The following JAKMIP1 variants were observed in gnomAD, a reference collection of about 807,000 sequenced individuals.
JAKMIP1 encodes the protein janus kinase and microtubule interacting protein 1.
In JAKMIP1, 33 loss-of-function variants were observed where a neutral mutation model predicts 113.0. That is an observed-to-expected ratio of 0.29 (90% CI 0.22 to 0.39). JAKMIP1 has a LOEUF of 0.39. JAKMIP1 is among the 10% of genes least tolerant of loss of function. The pLI is 1.00. For synonymous variants in JAKMIP1, 480 were observed against 459.9 expected (o/e 1.04, Z -0.56); for missense variants, 813 against 1,080.5 (o/e 0.75, Z 3.47).
In JAKMIP1 at chr4:6,157,873, C is replaced by T. The variant is rs1722436540; in HGVS notation, c.-148+42380G>A. On this transcript the variant is annotated intron_variant, in intron 1 of 20. Coordinates refer to ENST00000409021, the MANE Select transcript of JAKMIP1 (RefSeq NM_001099433.2). This position sits in a 1 kb window ranked among gnomAD's most constrained non-coding sequence, Gnocchi z 4.7. Reference sequence around the variant, plus strand: ...CAGCTAACAGATTGTTGTCTATTTCCTTTCCTTGGGCTCTGTTAGAACCAA... The same window carrying T: ...CAGCTAACAGATTGTTGTCTATTTCTTTTCCTTGGGCTCTGTTAGAACCAA... Among the ~76,000 whole-genome samples, 1 of 152,240 alleles carries T rather than the reference C, an allele frequency of 6.6e-6. No individual in the cohort carries two copies. The highest frequency in any genetic ancestry group is 2.1e-4 in the South Asian group (1 of 4,832).
rs141388266 is a variant in JAKMIP1, at chr4:6,196,320, A to T, written c.-148+3933T>A. On this transcript the variant is annotated intron_variant, in intron 1 of 20. Transcript: ENST00000409021. ...GCTTCCTAACCCAGCCCTTCACAGC[A>T]TGAGGCCCCCACAGCTCCTTCCCTG... 1.1e-4 allele frequency among the ~76,000 whole-genome samples: 16 copies of T among 152,276 alleles called. No individual in the cohort carries two copies. The East Asian group carries it at 2.9e-3, about 28-fold the overall frequency.
chr4:6,070,291 C>G (rs1718773442), intron 8 of JAKMIP1: 1 of 391,526 alleles, frequency 2.6e-6, no homozygotes, highest in Non-Finnish European at 4.5e-6. Context: ...CACGCACTCC[C>G]CTTTCCTCTA....
intron 2 of JAKMIP1, among the ~76,000 whole-genome samples, chr4:6,109,286 C>G (rs1714498638): frequency 6.6e-6 from 1 of 152,054 alleles, no homozygotes; most frequent in Non-Finnish European, 1.5e-5. Flanking sequence ...GCACCCGCCA[C>G]TGCGCCCGGC....
At chr4:6,169,994 C>CCCT (rs1724181827) in intron 1 of JAKMIP1, among the ~76,000 whole-genome samples, 3 of 94,406 alleles carry the variant, frequency 3.2e-5, no homozygotes, top group Admixed American at 9.8e-5. Context: ...ACCACCACCA[C>CCCT]CACCACCACC....
chr4:6,119,603 C>T (rs1419219759), intron 1 of JAKMIP1, among the ~76,000 whole-genome samples: 1 of 152,170 alleles, frequency 6.6e-6, no homozygotes, highest in East Asian at 1.9e-4. Flanking sequence ...ACAGTCAGCA[C>T]TTTGTTTAAT....
At position 6,069,279 on chromosome 4, in the gene JAKMIP1, A is replaced by G. The variant is rs571766003; in HGVS notation, c.1303-4271T>C. On this transcript the variant is annotated intron_variant, in intron 8 of 20. Coordinates refer to ENST00000409021, the MANE Select transcript of JAKMIP1 (RefSeq NM_001099433.2). This position sits in a 1 kb window ranked among gnomAD's most constrained non-coding sequence, Gnocchi z 4.5. ...CATTTTTTTGTGTCTCCACTCTTCT[A>G]AGAGTCTCTAGGTTTTTCCTCACAA... Among the ~76,000 whole-genome samples, 24 of 152,350 alleles carry G rather than the reference A, an allele frequency of 1.6e-4. 1 individual carries two copies. The South Asian group carries it at 4.8e-3, about 30-fold the overall frequency.
intron 1 of JAKMIP1, among the ~76,000 whole-genome samples, chr4:6,148,677 C>T (rs773232186): frequency 6.6e-6 from 1 of 152,228 alleles, no homozygotes; most frequent in Non-Finnish European, 1.5e-5. Flanking sequence ...CCCCAATAAA[C>T]GGCAGCCCTG....
intron 16 of JAKMIP1, among the ~76,000 whole-genome samples, chr4:6,043,024 C>G (rs948802026): frequency 1.3e-5 from 2 of 151,894 alleles, no homozygotes; most frequent in African/African-American, 4.8e-5. Context: ...TACGAGGAGC[C>G]CCTAAAACGG....
At chr4:6,190,529 C>T (rs997303503) in intron 1 of JAKMIP1, among the ~76,000 whole-genome samples, 2 of 152,268 alleles carry the variant, frequency 1.3e-5, no homozygotes, top group East Asian at 3.9e-4. Flanking sequence ...TCAGATAAGT[C>T]ACTCACTCCC....
chr4:6,036,077 T>C lies in JAKMIP1; in HGVS notation c.2206A>G (p.Thr736Ala), dbSNP rs1351480770. Residue 736 changes from threonine to alanine, a missense_variant, in exon 19 of 21, where the codon ACA (threonine) becomes GCA (alanine). By Grantham distance (58) the Thr-to-Ala change is moderately conservative (BLOSUM62 0). Transcript: ENST00000409021. ...KIQDLEATLY[T>A]ALQQEPGRRA... ...CGCCCCGGCTCCTGCTGCAGCGCTGTGTACAGTGTGGCCTCCAGGTCTTGG... is the reference window on the plus strand; with the variant it reads ...CGCCCCGGCTCCTGCTGCAGCGCTGCGTACAGTGTGGCCTCCAGGTCTTGG... 1 of 1,557,480 alleles carries C rather than the reference T, an allele frequency of 6.4e-7. No individual in the cohort carries two copies. Among genetic ancestry groups the C allele is most frequent in the South Asian group, 1.2e-5 (1 of 84,382 alleles).
Position 6,140,030 on chromosome 4 carries a change from C to T in JAKMIP1, c.-147-27033G>A, listed in dbSNP as rs368377078. On this transcript the variant is annotated intron_variant, in intron 1 of 20. Transcript: ENST00000409021. This position sits in a 1 kb window ranked among gnomAD's most constrained non-coding sequence, Gnocchi z 9.4. ...CAGCCTCCAGAACTAAGAGACCATC[C>T]GTTTGTCTTGTGTATTCCATGGTAC... 4.8e-4 allele frequency among the ~76,000 whole-genome samples: 73 copies of T among 152,112 alleles called. 1 individual carries two copies. In the East Asian group the frequency reaches 0.01, roughly 21 times the overall value.
intron 2 of JAKMIP1, among the ~76,000 whole-genome samples, chr4:6,110,215 C>G (rs1226543055): frequency 6.6e-6 from 1 of 152,138 alleles, no homozygotes; most frequent in East Asian, 1.9e-4. Context: ...AGGGTGGGCC[C>G]TAATCCGATT....
At chr4:6,161,601 C>G (rs1366031482) in intron 1 of JAKMIP1, among the ~76,000 whole-genome samples, 1 of 151,666 alleles carries the variant, frequency 6.6e-6, no homozygotes, top group African/African-American at 2.4e-5. Flanking sequence ...GGTGTACAAG[C>G]AAGGAGAAGG....
rs1722364448 is a variant in JAKMIP1, at chr4:6,157,299, C to T, written c.-148+42954G>A. ...ACAAAATGGACTAAGACGAGTGCAC[C>T]TGGGCAGGTTACTCCCTCTGCAAAA... On this transcript the variant is annotated intron_variant, in intron 1 of 20. Coordinates refer to ENST00000409021, the MANE Select transcript of JAKMIP1 (RefSeq NM_001099433.2). The surrounding 1 kb of genome is among the most constrained non-coding windows in gnomAD (Gnocchi z 4.7). Among the ~76,000 whole-genome samples, 1 of 152,112 alleles carries T rather than the reference C, an allele frequency of 6.6e-6. No homozygotes were observed.
In JAKMIP1 at chr4:6,156,426, C is replaced by T. The variant is rs942909044; in HGVS notation, c.-147-43429G>A. Among the ~76,000 whole-genome samples the T allele has an allele frequency of 5.3e-5, 8 of 152,180 alleles. No individual in the cohort carries two copies. The highest frequency in any genetic ancestry group is 1.0e-4 in the Non-Finnish European group (7 of 68,034). On this transcript the variant is annotated intron_variant, in intron 1 of 20. Transcript: ENST00000409021. The surrounding 1 kb of genome is among the most constrained non-coding windows in gnomAD (Gnocchi z 5.0). ...AGCTTAGATTTAATAAAATACGGTA[C>T]CTAACAGAGTCCAGAATTCTGATTT...
At chr4:6,082,780 G>A (rs1720770963) in intron 5 of JAKMIP1, among the ~76,000 whole-genome samples, 1 of 152,152 alleles carries the variant, frequency 6.6e-6, no homozygotes, top group Non-Finnish European at 1.5e-5. Context: ...GAGATTACAG[G>A]CATGTGGCAC....
intron 1 of JAKMIP1, among the ~76,000 whole-genome samples, chr4:6,119,517 C>T (rs1167547416): frequency 6.6e-6 from 1 of 151,952 alleles, no homozygotes; most frequent in East Asian, 1.9e-4. Context: ...GCACTCCAGC[C>T]TGGACAACAA....
chr4:6,046,113 T>G (rs946452281), intron 16 of JAKMIP1, among the ~76,000 whole-genome samples: 1 of 152,086 alleles, frequency 6.6e-6, no homozygotes, highest in Non-Finnish European at 1.5e-5. Context: ...CTGTCCCTGT[T>G]TTAGCACTGC....
At position 6,065,271 on chromosome 4, in the gene JAKMIP1, C is replaced by A. The variant is rs1436772698; in HGVS notation, c.1303-263G>T. On this transcript the variant is annotated intron_variant, in intron 8 of 20. Transcript: ENST00000409021. This position sits in a 1 kb window ranked among gnomAD's most constrained non-coding sequence, Gnocchi z 5.1. ...CTGGCTCTCCAGCTGTAGACCTGTG[C>A]AAACCACTTGGCCCCTGGAGCACCA... 6.6e-6 allele frequency among the ~76,000 whole-genome samples: 1 copy of A among 152,214 alleles called. No homozygotes were observed. The highest frequency in any genetic ancestry group is 1.5e-5 in the Non-Finnish European group (1 of 68,042).
Sources: gnomAD v4.1 joint callset for allele counts (sites outside exome capture counted in the v4.1 genomes callset) on GRCh38, gnomAD v4.1.1 for gene constraint, Gnocchi (gnomAD v3.1) non-coding constraint, MANE v1.5 for transcripts, NCBI Gene and HGNC (gene_info 2026-07-23, HGNC 2026-07-21) for gene names.